The following TRIO variants were observed in gnomAD, a reference collection of about 807,000 sequenced individuals.
The protein encoded by TRIO is trio Rho guanine nucleotide exchange factor.
A neutral mutation model predicts 351.9 loss-of-function variants in TRIO; 58 were observed. The ratio of observed to expected loss-of-function variants is 0.16; its 90% confidence interval spans 0.13 to 0.21. The LOEUF is 0.21. TRIO is among the 10% of genes least tolerant of loss of function. The pLI, the probability that TRIO is intolerant of heterozygous loss-of-function variation, is 1.00. For synonymous variants in TRIO, 1,758 were observed against 1,595.7 expected (o/e 1.10, Z -2.42); for missense variants, 3,201 against 4,027.8 (o/e 0.79, Z 5.56).
chr5:14,462,438 G>A (rs1753898992), intron 35 of TRIO, among the ~76,000 whole-genome samples: 1 of 152,182 alleles, frequency 6.6e-6, no homozygotes, highest in African/African-American at 2.4e-5. Flanking sequence ...TCAACATGAG[G>A]GTTGTAGCTC....
intron 34 of TRIO, among the ~76,000 whole-genome samples, chr5:14,445,748 C>T (rs1383282874): frequency 4.6e-5 from 7 of 152,190 alleles, no homozygotes; most frequent in Non-Finnish European, 1.0e-4. Context: ...TCCTTGAAAG[C>T]TGATGGATTA....
At chr5:14,442,151 C>T (rs1299445066) in intron 34 of TRIO, among the ~76,000 whole-genome samples, 1 of 152,224 alleles carries the variant, frequency 6.6e-6, no homozygotes, top group Non-Finnish European at 1.5e-5. Context: ...CACAGGGTGC[C>T]ACCTGCATGC....
chr5:14,465,139 G>C (rs943264823), intron 36 of TRIO, among the ~76,000 whole-genome samples: 1 of 151,758 alleles, frequency 6.6e-6, no homozygotes, highest in African/African-American at 2.4e-5. Flanking sequence ...ATTATTCCAG[G>C]ATTCTCTCAC....
intron 9 of TRIO, among the ~76,000 whole-genome samples, chr5:14,325,179 G>A (rs933941637): frequency 2.0e-5 from 3 of 152,226 alleles, no homozygotes; most frequent in Non-Finnish European, 2.9e-5. Context: ...TTTTCACATC[G>A]TATGTTGTTG....
intron 34 of TRIO, among the ~76,000 whole-genome samples, chr5:14,439,929 A>C (rs1473384100): frequency 1.3e-5 from 2 of 152,198 alleles, no homozygotes; most frequent in Non-Finnish European, 2.9e-5. Flanking sequence ...AATTGTCTTA[A>C]ACTCAGAAAG....
intron 7 of TRIO, among the ~76,000 whole-genome samples, chr5:14,300,845 T>G (rs772907693): frequency 2.5e-4 from 38 of 152,198 alleles, no homozygotes; most frequent in Non-Finnish European, 4.3e-4. Context: ...AAAGTTCACT[T>G]CCCATAAATA....
At chr5:14,206,604 C>G (rs1480590854) in intron 1 of TRIO, among the ~76,000 whole-genome samples, 1 of 152,182 alleles carries the variant, frequency 6.6e-6, no homozygotes, top group Non-Finnish European at 1.5e-5. Context: ...ATGTGCCTAA[C>G]CTGACAGTTG....
chr5:14,326,843 T>G (rs1289189204), intron 9 of TRIO, among the ~76,000 whole-genome samples: 1 of 152,254 alleles, frequency 6.6e-6, no homozygotes, highest in Non-Finnish European at 1.5e-5. Context: ...CTGGGTAATC[T>G]GAGTAATCTA....
At position 14,497,883 on chromosome 5, in the gene TRIO, T is replaced by C. The variant is rs1757002599; in HGVS notation, c.8047+9T>C. ...CAACTACATTTATGACGGTGAGTTCTGTTCTTTTTCTTCTAGTCCTAGAGA... is the reference window on the plus strand; with the variant it reads ...CAACTACATTTATGACGGTGAGTTCCGTTCTTTTTCTTCTAGTCCTAGAGA... On this transcript the variant is annotated intron_variant, in intron 51 of 56. Transcript: ENST00000344204. This position sits in a 1 kb window ranked among gnomAD's most constrained non-coding sequence, Gnocchi z 4.4. 1.9e-6 allele frequency: 3 copies of C among 1,614,120 alleles called. No individual in the cohort carries two copies. Among genetic ancestry groups the C allele is most frequent in the African/African-American group, 2.7e-5 (2 of 74,944 alleles).
At chr5:14,297,458 CCTCT>C (rs1041149544) in intron 7 of TRIO, 195 bp downstream of exon 7, 1 of 573,948 alleles carries the variant, frequency 1.7e-6, no homozygotes. Context: ...AGTGACTTAG[CCTCT>C]CTGTTTTGTT....
intron 19 of TRIO, among the ~76,000 whole-genome samples, chr5:14,377,558 C>CT (rs951637839): frequency 9.3e-5 from 14 of 151,326 alleles, no homozygotes; most frequent in African/African-American, 3.1e-4. Flanking sequence ...CTTGGTTTTT[C>CT]TTTTTTTTTA....
At chr5:14,406,214 T>A in intron 32 of TRIO, 1 of 670,802 alleles carries the variant, frequency 1.5e-6, no homozygotes. Context: ...AAACCTCTCA[T>A]TGTTTTGCCT....
chr5:14,475,429 A>G (rs1442762610), intron 40 of TRIO, among the ~76,000 whole-genome samples: 1 of 152,210 alleles, frequency 6.6e-6, no homozygotes, highest in African/African-American at 2.4e-5. Flanking sequence ...AGATGGGAAT[A>G]TGCTCTTTTA....
chr5:14,394,932 A>G (rs1747433123), intron 28 of TRIO, among the ~76,000 whole-genome samples: 1 of 152,174 alleles, frequency 6.6e-6, no homozygotes, highest in African/African-American at 2.4e-5. Flanking sequence ...TCAGCATACC[A>G]TTTTCTCAGC....
chr5:14,292,847 T>A (rs1404622012), intron 5 of TRIO, among the ~76,000 whole-genome samples, 165 bp from the exon 6 acceptor site: 1 of 152,252 alleles, frequency 6.6e-6, no homozygotes, highest in African/African-American at 2.4e-5. Flanking sequence ...AGTTCAGAAC[T>A]GCTGACTTGT....
chr5:14,167,994 A>C (rs937531842), intron 1 of TRIO, among the ~76,000 whole-genome samples: 1 of 152,210 alleles, frequency 6.6e-6, no homozygotes, highest in African/African-American at 2.4e-5. Flanking sequence ...GCCATAGCAA[A>C]TCAGGAAGGG....
At chr5:14,211,590 G>GTTTTTTTTTTTTTTTTTTTTTTTT (rs33992664) in intron 1 of TRIO, among the ~76,000 whole-genome samples, 2 of 120,068 alleles carry the variant, frequency 1.7e-5, no homozygotes, top group African/African-American at 3.2e-5. Flanking sequence ...ACACTCAGTT[G>GTTTTTTTTTTTTTTTTTTTTTTTT]TTTTTTTTTT....
chr5:14,272,428 A>G (rs979389702), intron 2 of TRIO, among the ~76,000 whole-genome samples: 1 of 152,226 alleles, frequency 6.6e-6, no homozygotes, highest in South Asian at 2.1e-4. Context: ...ATTTGTATTC[A>G]TGCTTTTATT....
intron 33 of TRIO, among the ~76,000 whole-genome samples, chr5:14,407,851 A>C (rs1276670381): frequency 2.6e-5 from 4 of 152,202 alleles, no homozygotes; most frequent in Admixed American, 1.3e-4. Flanking sequence ...CATTGATCTT[A>C]ATGAAGTCTT....
Sources: allele counts gnomAD v4.1 joint callset (sites outside exome capture counted in the v4.1 genomes callset), GRCh38; gene constraint gnomAD v4.1.1; non-coding constraint Gnocchi (gnomAD v3.1); transcripts MANE v1.5; gene names NCBI Gene and HGNC (gene_info 2026-07-23, HGNC 2026-07-21).